POU5F1B: variants seen among roughly 807,000 people sequenced by gnomAD.
POU5F1B encodes POU domain, class 5, transcription factor 1B.
A neutral mutation model predicts 28.1 loss-of-function variants in POU5F1B; 24 were observed. The observed-to-expected ratio is 0.85, with a 90% CI of 0.62 to 1.20. The LOEUF (loss-of-function observed/expected upper bound fraction) is 1.20, where lower values mean the gene tolerates loss of function less well. Ranked by LOEUF, POU5F1B falls within the 50% of genes most tolerant of loss-of-function variation. POU5F1B has a pLI of 0.00. For synonymous variants in POU5F1B, 220 were observed against 193.2 expected (o/e 1.14, Z -1.15); for missense variants, 451 against 451.5 (o/e 1.00, Z 0.01).
exon 3 of POU5F1B, chr8:127,415,671 A>T: frequency 4.6e-6 from 4 of 860,346 alleles, no homozygotes; most frequent in Non-Finnish European, 6.4e-6. Flanking sequence ...GTCAATTCAC[A>T]GGTGATTATG....
exon 3 of POU5F1B, chr8:127,416,109 A>T: frequency 6.2e-7 from 1 of 1,613,300 alleles, no homozygotes; most frequent in Non-Finnish European, 8.5e-7. Flanking sequence ...CTCAGGTTGG[A>T]GTGGGGCTAG....
exon 3 of POU5F1B, chr8:127,416,143 T>G (rs773546462): frequency 1.2e-6 from 2 of 1,613,726 alleles, no homozygotes; most frequent in East Asian, 4.5e-5. Context: ...CTTGGAGACC[T>G]CTCAGCCTGA....
chr8:127,415,460 G>C (rs1422965263), exon 3 of POU5F1B: 1 of 170,474 alleles, frequency 5.9e-6, no homozygotes, highest in African/African-American at 2.4e-5. Flanking sequence ...GAATCAGAAA[G>C]AAGGACACAC....
chr8:127,414,194 A>G (rs1316570015), intron 1 of POU5F1B, among the ~76,000 whole-genome samples: 1 of 152,260 alleles, frequency 6.6e-6, no homozygotes, highest in Non-Finnish European at 1.5e-5. Flanking sequence ...AGAACGTTTA[A>G]GTTCCCTTTC....
exon 3 of POU5F1B, chr8:127,416,126 A>C: frequency 6.2e-7 from 1 of 1,613,574 alleles, no homozygotes; most frequent in Non-Finnish European, 8.5e-7. Context: ...CTAGTGCCCC[A>C]AGGCGGCTTG....
exon 3 of POU5F1B, chr8:127,417,206 A>AAG (rs1563684854): frequency 7.8e-5 from 23 of 294,990 alleles, no homozygotes; most frequent in African/African-American, 6.5e-4. Flanking sequence ...AAAAAAAAAA[A>AAG]AAAAGAAAGA....
exon 3 of POU5F1B, chr8:127,416,245 G>A: frequency 1.2e-6 from 2 of 1,613,902 alleles, no homozygotes; most frequent in South Asian, 2.2e-5. Flanking sequence ...GCTGGAGAAG[G>A]AGAAGCTAGA....
At chr8:127,416,645 G>C (rs772129206) in exon 3 of POU5F1B, 2 of 1,600,978 alleles carry the variant, frequency 1.2e-6, no homozygotes, top group Non-Finnish European at 8.5e-7. Context: ...CTGCAGATCA[G>C]CCACATCGCC....
intron 1 of POU5F1B, among the ~76,000 whole-genome samples, chr8:127,413,608 C>A (rs1815091414): frequency 6.6e-6 from 1 of 152,200 alleles, no homozygotes; most frequent in Non-Finnish European, 1.5e-5. Flanking sequence ...CAAAATCTAG[C>A]CTGTCTCCCC....
rs776516653 is a variant in POU5F1B, at chr8:127,416,686, C to T, written c.820C>T (p.Arg274Ter). The T allele has an allele frequency of 1.9e-6, 3 of 1,607,992 alleles. No homozygotes were observed. The highest frequency in any genetic ancestry group is 2.2e-5 in the East Asian group (1 of 44,664). The change falls in exon 3 of 3, where the codon CGA (arginine) becomes TGA (stop). Residue 274 changes from arginine to a stop codon, truncating the protein, a stop_gained. Transcript: ENST00000465342. LOFTEE classifies it high-confidence loss of function. ...GCTTGGGCTCGAGAAGGATGTGGTC[C>T]GAGTGTGGTTCTGTAACCGGCGCCA...
chr8:127,415,119 T>C (rs1373915056), intron 2 of POU5F1B: 1 of 152,228 alleles, frequency 6.6e-6, no homozygotes, highest in East Asian at 1.9e-4. Context: ...CCTCATGAAA[T>C]ACCCTTATCC....
intron 1 of POU5F1B, among the ~76,000 whole-genome samples, chr8:127,413,885 C>T (rs1252750886): frequency 6.8e-6 from 1 of 146,822 alleles, no homozygotes; most frequent in East Asian, 2.1e-4. Context: ...CACACAACAC[C>T]CGATATAATA....
chr8:127,416,450 A>G (rs775054724), exon 3 of POU5F1B: 2 of 1,609,158 alleles, frequency 1.2e-6, no homozygotes, highest in Non-Finnish European at 1.7e-6. Context: ...CTTAGCTTCA[A>G]GAACATGTGT....
At position 127,416,422 on chromosome 8, in the gene POU5F1B, C is replaced by T. The variant is rs773585425; in HGVS notation, c.556C>T (p.Arg186Cys). The T allele has an allele frequency of 3.5e-5, 56 of 1,607,896 alleles. No homozygotes were observed. The highest frequency in any genetic ancestry group is 4.5e-5 in the Non-Finnish European group (53 of 1,176,668). The change falls in exon 3 of 3, where the codon CGC (arginine) becomes TGC (cysteine). Residue 186 changes from arginine to cysteine, a missense_variant. Coordinates refer to ENST00000465342, the Ensembl canonical transcript of POU5F1B. ...GGTGTTCAGCCAAAAGACCATCTGCCGCTTTGAGGCTCTGCAGCTTAGCTT... is the reference window on the plus strand; with the variant it reads ...GGTGTTCAGCCAAAAGACCATCTGCTGCTTTGAGGCTCTGCAGCTTAGCTT...
exon 3 of POU5F1B, chr8:127,416,280 C>T (rs1402235689): frequency 1.7e-5 from 27 of 1,613,866 alleles, no homozygotes; most frequent in Non-Finnish European, 2.0e-5. Context: ...AGTCCCAGGA[C>T]ATCAAAGCTC....
chr8:127,416,540 C>A, exon 3 of POU5F1B: 1 of 1,608,628 alleles, frequency 6.2e-7, no homozygotes, highest in Non-Finnish European at 8.5e-7. Context: ...AAAGCAGAAA[C>A]CCTCATGCAG....
At chr8:127,416,076 T>C in exon 3 of POU5F1B, 1 of 1,612,592 alleles carries the variant, frequency 6.2e-7, no homozygotes, top group East Asian at 2.2e-5. Context: ...ATGAGTTATG[T>C]GGGGGGATGG....
exon 3 of POU5F1B, chr8:127,415,843 C>CG (rs1563683743): frequency 1.3e-5 from 20 of 1,498,158 alleles, no homozygotes; most frequent in Non-Finnish European, 1.7e-5. Context: ...ACCAGGCCCC[C>CG]GGCTTGGGGC....
chr8:127,413,881 A>ACAC lies in POU5F1B; in HGVS notation c.-559-1005_-559-1003dup, dbSNP rs2130623657. On this transcript the variant is annotated intron_variant, in intron 1 of 2. Coordinates refer to ENST00000465342, the Ensembl canonical transcript of POU5F1B. ...GTACACACACACACACACACACACA[A>ACAC]CACCCGATATAATACAATATTTTCA... is the stretch of plus-strand genomic sequence containing the variant. Among the ~76,000 whole-genome samples, 4 of 116,776 alleles carry ACAC rather than the reference A, an allele frequency of 3.4e-5. No individual in the cohort carries two copies. The East Asian group carries it at 7.5e-4, about 22-fold the overall frequency. 76.6% of individuals were successfully genotyped at this position (116,776 alleles called of 152,430 possible).
Sources: allele counts gnomAD v4.1 joint callset (sites outside exome capture counted in the v4.1 genomes callset), GRCh38; gene constraint gnomAD v4.1.1; transcripts MANE v1.5; gene names NCBI Gene and HGNC (gene_info 2026-07-23, HGNC 2026-07-21).